GRK1: variants seen among roughly 807,000 people sequenced by gnomAD.
GRK1 encodes rhodopsin kinase GRK1.
GRK1 carries 28 observed loss-of-function variants against 41.7 expected under a neutral mutation model. The observed-to-expected ratio is 0.67, with a 90% CI of 0.50 to 0.92. GRK1 has a LOEUF of 0.92. Ranked by LOEUF, GRK1 falls within the 40% of genes least tolerant of loss-of-function variation. GRK1 has a pLI of 0.00. For synonymous variants in GRK1, 327 were observed against 286.7 expected (o/e 1.14, Z -1.42); for missense variants, 703 against 671.2 (o/e 1.05, Z -0.52).
At chr13:113,733,884 TGTGTGC>T (rs1395653917) in intron 6 of GRK1, among the ~76,000 whole-genome samples, 1 of 99,056 alleles carries the variant, frequency 1.0e-5, no homozygotes, top group Non-Finnish European at 2.1e-5. Context: ...TGTGCATACG[TGTGTGC>T]GTGTGTGTAT....
In GRK1 at chr13:113,671,792, G is replaced by A. The variant is rs938120976; in HGVS notation, c.985+136G>A. On this transcript the variant is annotated intron_variant, in intron 3 of 6. Coordinates refer to ENST00000335678, the MANE Select transcript of GRK1 (RefSeq NM_002929.3). The surrounding 1 kb of genome is among the most constrained non-coding windows in gnomAD (Gnocchi z 4.1). ...GGGGTTCATGAGGGCTGACGGCTTC[G>A]TGGACGGTGGAGGTGTCATCGGGCA... 2.1e-5 allele frequency: 14 copies of A among 659,214 alleles called. No homozygotes were observed. Among genetic ancestry groups the A allele is most frequent in the Non-Finnish European group, 3.3e-5 (12 of 361,030 alleles). The allele number at this position is 659,214 out of a possible 1,614,324, so 40.8% of individuals were successfully genotyped here. A position where few individuals can be genotyped will look rare whatever the true frequency, so the allele number is the denominator to read the frequency against.
intron 6 of GRK1, among the ~76,000 whole-genome samples, chr13:113,733,526 TGC>T (rs879904729): frequency 0.11 from 16,273 of 151,662 alleles, 1,060 homozygotes; most frequent in Middle Eastern, 0.22. Context: ...TGTGCATGTG[TGC>T]GCGTGTGTGC....
At chr13:113,728,877 A>C (rs1169450642) in intron 4 of GRK1, among the ~76,000 whole-genome samples, 1 of 152,132 alleles carries the variant, frequency 6.6e-6, no homozygotes, top group African/African-American at 2.4e-5. Context: ...AGGGAACCAC[A>C]AAAGGTGGAC....
At chr13:113,648,446 C>T in the GRK1 span, among the ~76,000 whole-genome samples, 1 of 152,168 alleles carries the variant, frequency 6.6e-6, no homozygotes, top group East Asian at 1.9e-4. Context: ...ACACCGCCGT[C>T]GGGGTGAGAC....
the GRK1 span, chr13:113,654,811 T>C: frequency 1.9e-6 from 3 of 1,613,754 alleles, no homozygotes; most frequent in Non-Finnish European, 2.5e-6. Flanking sequence ...CCCGGGCGCT[T>C]ACCTGGTGAC....
chr13:113,671,664 G>A lies in GRK1; in HGVS notation c.985+8G>A. ...TGCTGCTGGACAATGACGGTAGGAG[G>A]TGCCCTCGGCTGGGAGGGATGAGGG... On this transcript the variant is annotated splice_region_variant and intron_variant, in intron 3 of 6. Transcript: ENST00000335678. The surrounding 1 kb of genome is among the most constrained non-coding windows in gnomAD (Gnocchi z 4.1). The A allele has an allele frequency of 2.7e-6, 2 of 748,298 alleles. No individual in the cohort carries two copies. The highest frequency in any genetic ancestry group is 2.8e-5 in the South Asian group (2 of 72,364). The allele number at this position is 748,298 out of a possible 1,614,324, so 46.4% of individuals were successfully genotyped here.
chr13:113,725,223 CT>C (rs1178803694), intron 4 of GRK1, among the ~76,000 whole-genome samples: 2 of 152,222 alleles, frequency 1.3e-5, no homozygotes, highest in Non-Finnish European at 2.9e-5. Context: ...CATAAGAAGC[CT>C]GTCGGGGGAC....
the GRK1 span, chr13:113,654,665 T>A: frequency 7.9e-7 from 1 of 1,270,968 alleles, no homozygotes. Flanking sequence ...GGGCACCTGC[T>A]GGGGTGTGTG....
At chr13:113,730,740 G>T (rs1250676209) in intron 4 of GRK1, among the ~76,000 whole-genome samples, 1 of 152,248 alleles carries the variant, frequency 6.6e-6, no homozygotes, top group Non-Finnish European at 1.5e-5. Context: ...GCCGACAGCT[G>T]AGGAAAAGGA....
the GRK1 span, among the ~76,000 whole-genome samples, chr13:113,656,781 A>G: frequency 4.6e-5 from 7 of 152,212 alleles, no homozygotes; most frequent in Non-Finnish European, 7.4e-5. Flanking sequence ...CAGTGAGACC[A>G]TTCCAGAAGG....
rs1481433994 is a variant in GRK1, at chr13:113,735,524, G to A, written c.*161G>A. On this transcript the variant is annotated 3_prime_UTR_variant, in exon 7 of 7. Coordinates refer to ENST00000335678, the MANE Select transcript of GRK1 (RefSeq NM_002929.3). ...CTCCTTGCGGCCCAAGGAGGAGAAA[G>A]CCCACATCGGCCTGAGCCGCCAGAC... 5.4e-6 allele frequency: 4 copies of A among 741,772 alleles called. No individual in the cohort carries two copies. The Admixed American group carries it at 1.3e-4, about 25-fold the overall frequency. The allele number at this position is 741,772 out of a possible 1,614,324, so 45.9% of individuals were successfully genotyped here. A position where few individuals can be genotyped will look rare whatever the true frequency, so the allele number is the denominator to read the frequency against.
At position 113,734,783 on chromosome 13, in the gene GRK1, G is replaced by A. The variant is rs144259500; in HGVS notation, c.1397-285G>A. ...GACCCTAGGGGAGGCTCCCAACAAG[G>A]CAGATGTGAGCGCCAGGTCCTTTCA... On this transcript the variant is annotated intron_variant, in intron 6 of 6. Coordinates refer to ENST00000335678, the MANE Select transcript of GRK1 (RefSeq NM_002929.3). 5.5e-3 allele frequency: 1,772 copies of A among 320,532 alleles called. 21 individuals are homozygous for A. Among genetic ancestry groups the A allele is most frequent in the African/African-American group, 0.035 (1,632 of 46,744 alleles). The allele number at this position is 320,532 out of a possible 1,614,324, so 19.9% of individuals were successfully genotyped here. A position where few individuals can be genotyped will look rare whatever the true frequency, so the allele number is the denominator to read the frequency against.
In GRK1 at chr13:113,733,819, G is replaced by T. The variant is rs1335812472; in HGVS notation, c.1396+734G>T. 2.0e-5 allele frequency among the ~76,000 whole-genome samples: 3 copies of T among 147,614 alleles called. 1 individual carries two copies. Among genetic ancestry groups the T allele is most frequent in the African/African-American group, 7.7e-5 (3 of 39,160 alleles). ...TATGTGTATCTGTGTGCATACGTGT[G>T]TGCGTGTGTGTGCACGTGCGTGTGC... On this transcript the variant is annotated intron_variant, in intron 6 of 6. Coordinates refer to ENST00000335678, the MANE Select transcript of GRK1 (RefSeq NM_002929.3).
Position 113,731,165 on chromosome 13 carries a change from C to T in GRK1, c.1070-54C>T, listed in dbSNP as rs991548381. 2.0e-5 allele frequency: 31 copies of T among 1,519,008 alleles called. No individual in the cohort carries two copies. The highest frequency in any genetic ancestry group is 1.2e-4 in the South Asian group (10 of 82,440). 94.1% of individuals were successfully genotyped at this position (1,519,008 alleles called of 1,614,324 possible). On this transcript the variant is annotated intron_variant, in intron 4 of 6. Transcript: ENST00000335678. The surrounding 1 kb of genome is among the most constrained non-coding windows in gnomAD (Gnocchi z 5.6). ...CATCAGTCCTGCGATTCCTGGAGTG[C>T]GTGCCCACCATGGAGGTGACCACCT...
At chr13:113,724,281 TGTAC>T (rs1262222274) in intron 4 of GRK1, among the ~76,000 whole-genome samples, 1 of 152,226 alleles carries the variant, frequency 6.6e-6, no homozygotes, top group Non-Finnish European at 1.5e-5. Context: ...CCGGCGCCTG[TGTAC>T]AGCAGCCACA....
rs1282655491 is a variant in GRK1 at position 113,667,550 on chromosome 13, G to T, written c.164G>T (p.Ser55Ile). The change falls in exon 1 of 7, where the codon AGC becomes ATC. Residue 55 changes from serine to isoleucine, a missense_variant. Ser to Ile is a moderately radical substitution (Grantham distance 142). Coordinates refer to ENST00000335678, the MANE Select transcript of GRK1 (RefSeq NM_002929.3). This position sits in a 1 kb window ranked among gnomAD's most constrained non-coding sequence, Gnocchi z 7.5. Reference protein sequence around the residue: ...SKCESLRDSLSLEFESVCLEQ... With the variant: ...SKCESLRDSLILEFESVCLEQ... ...TGTGAGTCCCTCCGCGACAGCCTCAGCCTGGAGTTTGAGAGTGTGTGCTTG... is the reference window on the plus strand; with the variant it reads ...TGTGAGTCCCTCCGCGACAGCCTCATCCTGGAGTTTGAGAGTGTGTGCTTG... 6.2e-7 allele frequency: 1 copy of T among 1,613,580 alleles called. No individual in the cohort carries two copies. The highest frequency in any genetic ancestry group is 8.5e-7 in the Non-Finnish European group (1 of 1,179,884).
Position 113,668,030 on chromosome 13 carries a change from T to C in GRK1, c.644T>C (p.Leu215Pro), listed in dbSNP as rs1172897211. ...SACQMKATGKLYACKKLNKKR... is the reference protein window; with the variant it reads ...SACQMKATGKPYACKKLNKKR... ...TGCCAGATGAAGGCGACCGGCAAGC[T>C]GTATGCCTGCAAGAAGCTGAACAAG... is the stretch of plus-strand genomic sequence containing the variant. Residue 215 changes from leucine (L) to proline (P), a missense_variant, in exon 1 of 7, where the codon CTG (leucine) becomes CCG (proline). Transcript: ENST00000335678. 1.2e-6 allele frequency: 2 copies of C among 1,611,606 alleles called. No individual in the cohort carries two copies. Among genetic ancestry groups the C allele is most frequent in the South Asian group, 1.1e-5 (1 of 90,680 alleles).
chr13:113,733,152 C>A, intron 6 of GRK1, 67 bp downstream of exon 6: 1 of 1,450,960 alleles, frequency 6.9e-7, no homozygotes, highest in Non-Finnish European at 9.2e-7. Context: ...GGGTGTCCGC[C>A]CGGTCCAGCC....
chr13:113,648,483 G>A, the GRK1 span, among the ~76,000 whole-genome samples: 2 of 152,184 alleles, frequency 1.3e-5, no homozygotes, highest in African/African-American at 4.8e-5. Flanking sequence ...GATGAAACTG[G>A]GACCCAGGCC....
Sources: gnomAD v4.1 joint callset for allele counts (sites outside exome capture counted in the v4.1 genomes callset) on GRCh38, gnomAD v4.1.1 for gene constraint, Gnocchi (gnomAD v3.1) non-coding constraint, MANE v1.5 for transcripts, NCBI Gene and HGNC (gene_info 2026-07-23, HGNC 2026-07-21) for gene names.